Variants in CDK14 observed in about 807,000 individuals in gnomAD.
CDK14 encodes the protein cyclin dependent kinase 14.
In CDK14, 34 loss-of-function variants were observed where a neutral mutation model predicts 60.7. The ratio of observed to expected loss-of-function variants is 0.56; its 90% confidence interval spans 0.43 to 0.75. CDK14 has a LOEUF of 0.75. CDK14 is among the 30% of genes least tolerant of loss of function. The probability of loss-of-function intolerance (pLI) is 0.00; values close to 1 mark genes in which losing one functional copy is unlikely to be tolerated. For synonymous variants in CDK14, 197 were observed against 203.7 expected (o/e 0.97, Z 0.28); for missense variants, 482 against 564.1 (o/e 0.85, Z 1.47).
intron 14 of CDK14, among the ~76,000 whole-genome samples, chr7:91,185,567 T>C (rs1241611845): frequency 1.3e-5 from 2 of 152,102 alleles, no homozygotes; most frequent in East Asian, 3.9e-4. Context: ...GCCGTCATTA[T>C]TACATTCATA....
At chr7:90,680,762 T>A (rs1313193983) in intron 2 of CDK14, among the ~76,000 whole-genome samples, 1 of 152,248 alleles carries the variant, frequency 6.6e-6, no homozygotes, top group Non-Finnish European at 1.5e-5. Context: ...GAAGTGGCAG[T>A]GCATAAAAGT....
At chr7:90,832,440 C>T (rs1357294037) in intron 5 of CDK14, among the ~76,000 whole-genome samples, 1 of 152,136 alleles carries the variant, frequency 6.6e-6, no homozygotes, top group Non-Finnish European at 1.5e-5. Context: ...TTGACTTAGG[C>T]TTCCTAAAGT....
intron 14 of CDK14, among the ~76,000 whole-genome samples, chr7:91,173,644 G>A (rs900085028): frequency 3.3e-5 from 5 of 152,206 alleles, no homozygotes; most frequent in Non-Finnish European, 7.3e-5. Context: ...CCTCACTTGG[G>A]AAGCACAAGG....
chr7:90,857,672 G>GA (rs1198228321), intron 5 of CDK14, among the ~76,000 whole-genome samples: 1 of 152,164 alleles, frequency 6.6e-6, no homozygotes, highest in African/African-American at 2.4e-5. Context: ...ATATTATTAG[G>GA]ATTACATGGA....
chr7:91,055,911 C>A (rs532611137), intron 11 of CDK14, among the ~76,000 whole-genome samples: 61 of 152,288 alleles, frequency 4.0e-4, no homozygotes, highest in African/African-American at 1.4e-3. Context: ...ACTGGCCGTA[C>A]ACTTTTAATT....
intron 7 of CDK14, among the ~76,000 whole-genome samples, chr7:90,912,590 G>T (rs1010250214): frequency 2.0e-4 from 30 of 151,970 alleles, no homozygotes; most frequent in African/African-American, 7.2e-4. Flanking sequence ...AATTTGTTGG[G>T]GGTTTTTTGT....
intron 11 of CDK14, among the ~76,000 whole-genome samples, chr7:91,072,596 C>G (rs549332826): frequency 1.3e-5 from 2 of 152,088 alleles, no homozygotes; most frequent in Non-Finnish European, 2.9e-5. Context: ...GCTGAAAACC[C>G]AAAAGGCCAG....
At chr7:90,822,537 A>G (rs1024281176) in intron 5 of CDK14, among the ~76,000 whole-genome samples, 1 of 152,022 alleles carries the variant, frequency 6.6e-6, no homozygotes, top group African/African-American at 2.4e-5. Context: ...CCTGATGCCC[A>G]GTGCTGTGCT....
At chr7:90,839,286 A>C (rs1790212622) in intron 5 of CDK14, among the ~76,000 whole-genome samples, 1 of 152,224 alleles carries the variant, frequency 6.6e-6, no homozygotes, top group Admixed American at 6.5e-5. Flanking sequence ...AGGGATTCAT[A>C]GTTAATAGTG....
chr7:91,134,126 G>A (rs1460221637), intron 14 of CDK14, among the ~76,000 whole-genome samples: 2 of 152,092 alleles, frequency 1.3e-5, no homozygotes, highest in African/African-American at 4.8e-5. Context: ...TTTTTGTGGG[G>A]GGAGGGCATT....
chr7:90,794,854 A>G (rs1427955909), intron 5 of CDK14, among the ~76,000 whole-genome samples: 1 of 152,214 alleles, frequency 6.6e-6, no homozygotes, highest in Non-Finnish European at 1.5e-5. Context: ...AATCTTCACA[A>G]TTTATGTTCA....
At chr7:91,206,467 A>G (rs1273633849) in intron 14 of CDK14, among the ~76,000 whole-genome samples, 1 of 152,212 alleles carries the variant, frequency 6.6e-6, no homozygotes, top group Non-Finnish European at 1.5e-5. Context: ...CTGGCAAGGC[A>G]TTCTTTTCCC....
chr7:90,723,884 T>C (rs1214988689), intron 2 of CDK14, among the ~76,000 whole-genome samples: 1 of 152,210 alleles, frequency 6.6e-6, no homozygotes, highest in Non-Finnish European at 1.5e-5. Flanking sequence ...TGAGAGAGAT[T>C]GATCTGTAGT....
intron 2 of CDK14, among the ~76,000 whole-genome samples, chr7:90,643,685 A>G (rs1329854842): frequency 6.6e-6 from 1 of 152,166 alleles, no homozygotes; most frequent in Non-Finnish European, 1.5e-5. Context: ...CTGAGTTAGG[A>G]AGCCAGATGA....
chr7:91,101,355 T>C (rs1463942876), intron 12 of CDK14, among the ~76,000 whole-genome samples: 3 of 152,188 alleles, frequency 2.0e-5, no homozygotes, highest in Non-Finnish European at 4.4e-5. Context: ...GGAAGGCATT[T>C]TGTGAACTGT....
At chr7:90,976,779 C>A (rs952395425) in intron 9 of CDK14, among the ~76,000 whole-genome samples, 1 of 152,116 alleles carries the variant, frequency 6.6e-6, no homozygotes, top group East Asian at 1.9e-4. Context: ...AATATTTACT[C>A]TCATTTTGTG....
chr7:91,011,740 T>C (rs1017896746), intron 10 of CDK14, among the ~76,000 whole-genome samples: 1 of 152,172 alleles, frequency 6.6e-6, no homozygotes, highest in African/African-American at 2.4e-5. Flanking sequence ...ATTAATCTCA[T>C]TCAGTGTATT....
Position 90,726,769 on chromosome 7 carries a change from G to T in CDK14, c.326G>T (p.Gly109Val), listed in dbSNP as rs868364699. 3 of 1,613,562 alleles carry T rather than the reference G, an allele frequency of 1.9e-6. No individual in the cohort carries two copies. The highest frequency in any genetic ancestry group is 2.5e-6 in the Non-Finnish European group (3 of 1,179,796). Residue 109 changes from glycine to valine, a missense_variant, in exon 3 of 15, where the codon GGC (glycine) becomes GTC (valine). Coordinates refer to ENST00000380050, the MANE Select transcript of CDK14 (RefSeq NM_001287135.2). ...ACINFKTSST[G>V]KESPKVRRHS... ...ATTAACTTTAAGACCTCCTCCACTG[G>T]CAAAGAGTCACCTAAAGTTAGGCGG... is the stretch of plus-strand genomic sequence containing the variant.
At chr7:90,739,049 T>C (rs1008582095) in intron 3 of CDK14, among the ~76,000 whole-genome samples, 1 of 152,180 alleles carries the variant, frequency 6.6e-6, no homozygotes, top group African/African-American at 2.4e-5. Context: ...AATCTAACTC[T>C]CAAAGCGGAG....
Sources: allele counts gnomAD v4.1 joint callset (sites outside exome capture counted in the v4.1 genomes callset), GRCh38; gene constraint gnomAD v4.1.1; transcripts MANE v1.5; gene names NCBI Gene and HGNC (gene_info 2026-07-23, HGNC 2026-07-21).